Variants in NKAIN2 observed in about 807,000 individuals in gnomAD.
NKAIN2 encodes sodium/potassium-transporting ATPase subunit beta-1-interacting protein 2.
Under a neutral mutation model 32.6 loss-of-function variants are expected in NKAIN2, and 14 were observed. That is an observed-to-expected ratio of 0.43 (90% CI 0.28 to 0.67). The LOEUF is 0.67. Among genes scored for constraint, NKAIN2 ranks in the 30% least tolerant of loss-of-function variants. NKAIN2 has a pLI of 0.17. For synonymous variants in NKAIN2, 80 were observed against 87.2 expected (o/e 0.92, Z 0.46); for missense variants, 198 against 258.3 (o/e 0.77, Z 1.60).
chr6:123,885,710 A>G (rs569006075), intron 1 of NKAIN2, among the ~76,000 whole-genome samples: 5 of 152,204 alleles, frequency 3.3e-5, no homozygotes, highest in African/African-American at 7.2e-5. Flanking sequence ...AGTGAGCTAT[A>G]TAAAATTGTC....
chr6:123,950,872 G>A (rs905259146), intron 1 of NKAIN2, among the ~76,000 whole-genome samples: 4 of 151,706 alleles, frequency 2.6e-5, no homozygotes, highest in Admixed American at 6.6e-5. Flanking sequence ...TCCTTGAAGG[G>A]TATATTAGAT....
chr6:123,829,604 A>G (rs1774292759), intron 1 of NKAIN2, among the ~76,000 whole-genome samples: 1 of 152,144 alleles, frequency 6.6e-6, no homozygotes, highest in South Asian at 2.1e-4. Context: ...AATGCTACAT[A>G]GTACTCTTGT....
intron 1 of NKAIN2, among the ~76,000 whole-genome samples, chr6:124,161,791 T>C (rs1788288630): frequency 1.3e-5 from 2 of 152,018 alleles, no homozygotes; most frequent in Admixed American, 1.3e-4. Flanking sequence ...TGAGGACTAC[T>C]GGAGAGGGGA....
chr6:124,713,893 T>C (rs1040143982), intron 4 of NKAIN2, among the ~76,000 whole-genome samples: 3 of 152,232 alleles, frequency 2.0e-5, no homozygotes, highest in Non-Finnish European at 2.9e-5. Flanking sequence ...AGAGATGCTA[T>C]AGGGTCAGGG....
At chr6:124,775,682 G>T (rs1346499913) in intron 4 of NKAIN2, among the ~76,000 whole-genome samples, 1 of 152,066 alleles carries the variant, frequency 6.6e-6, no homozygotes, top group Non-Finnish European at 1.5e-5. Context: ...TGTGAAATGG[G>T]AAAATGCCTG....
chr6:124,671,571 A>G (rs1215616491), intron 4 of NKAIN2, among the ~76,000 whole-genome samples: 1 of 152,038 alleles, frequency 6.6e-6, no homozygotes, highest in African/African-American at 2.4e-5. Context: ...TGTGCCACAC[A>G]AGTTCAAAAT....
intron 4 of NKAIN2, among the ~76,000 whole-genome samples, chr6:124,662,825 A>C (rs961176253): frequency 6.6e-6 from 1 of 152,148 alleles, no homozygotes; most frequent in African/African-American, 2.4e-5. Flanking sequence ...TGCCTCTTTT[A>C]ATCTGGAAAC....
intron 3 of NKAIN2, among the ~76,000 whole-genome samples, chr6:124,369,316 G>T (rs1279259820): frequency 6.6e-6 from 1 of 152,088 alleles, no homozygotes; most frequent in African/African-American, 2.4e-5. Context: ...AGAGTTCCAT[G>T]GCTTTAAATT....
intron 1 of NKAIN2, among the ~76,000 whole-genome samples, chr6:124,157,249 G>GTA (rs1788035277): frequency 1.7e-5 from 2 of 120,282 alleles, no homozygotes; most frequent in African/African-American, 6.1e-5. Context: ...GTGTCATAAT[G>GTA]GACACACACA....
intron 4 of NKAIN2, among the ~76,000 whole-genome samples, chr6:124,672,108 G>A (rs1773135121): frequency 6.6e-6 from 1 of 151,962 alleles, no homozygotes; most frequent in African/African-American, 2.4e-5. Flanking sequence ...TTGTTAGTCT[G>A]GGGAGAAAAT....
In NKAIN2 at chr6:124,766,063, C is replaced by A. The variant is rs188441376; in HGVS notation, c.475-25276C>A. On this transcript the variant is annotated intron_variant, in intron 4 of 6. Coordinates refer to ENST00000368417, the MANE Select transcript of NKAIN2 (RefSeq NM_001040214.3). ...TCTCCTTGGCTTTTGCTTTCCCCAT[C>A]AGAATGTTTCACAAGACACAACTAA... 5.3e-5 allele frequency among the ~76,000 whole-genome samples: 8 copies of A among 152,308 alleles called. No homozygotes were observed. In the East Asian group the frequency reaches 1.5e-3, roughly 29 times the overall value.
intron 1 of NKAIN2, among the ~76,000 whole-genome samples, chr6:124,146,677 A>ATTT (rs1787424992): frequency 6.6e-6 from 1 of 152,234 alleles, no homozygotes; most frequent in African/African-American, 2.4e-5. Flanking sequence ...ATTATTCATT[A>ATTT]GAAATGAATA....
In NKAIN2 at chr6:124,596,216, G is replaced by T. The variant is rs1348113944; in HGVS notation, c.274-61970G>T. On this transcript the variant is annotated intron_variant, in intron 3 of 6. Coordinates refer to ENST00000368417, the MANE Select transcript of NKAIN2 (RefSeq NM_001040214.3). ...ATGTTGGGGTGGGGAACACTGGGAAGGTACTTAGGGGGCATCAGGGATTAC... is the reference window on the plus strand; with the variant it reads ...ATGTTGGGGTGGGGAACACTGGGAATGTACTTAGGGGGCATCAGGGATTAC... Among the ~76,000 whole-genome samples, 3 of 152,276 alleles carry T rather than the reference G, an allele frequency of 2.0e-5. No homozygotes were observed. In the East Asian group the frequency reaches 5.8e-4, roughly 29 times the overall value.
chr6:123,867,054 A>G (rs991812304), intron 1 of NKAIN2, among the ~76,000 whole-genome samples: 11 of 152,060 alleles, frequency 7.2e-5, no homozygotes, highest in Non-Finnish European at 1.5e-4. Flanking sequence ...CTCCACTATT[A>G]TCTGTCTGTT....
chr6:123,863,270 G>A (rs1400941643), intron 1 of NKAIN2, among the ~76,000 whole-genome samples: 2 of 152,178 alleles, frequency 1.3e-5, no homozygotes, highest in Non-Finnish European at 2.9e-5. Flanking sequence ...TAAATGTAGA[G>A]TCTGTCAGAA....
At position 123,974,598 on chromosome 6, in the gene NKAIN2, T is replaced by C. The variant is rs376848176; in HGVS notation, c.54+170344T>C. Reference sequence around the variant, plus strand: ...TGAGCCTGCTGTATTGGCACATTGGTTTGAGTGTTCTGCTTGTGCGGGCAA... The same window carrying C: ...TGAGCCTGCTGTATTGGCACATTGGCTTGAGTGTTCTGCTTGTGCGGGCAA... On this transcript the variant is annotated intron_variant, in intron 1 of 6. Coordinates refer to ENST00000368417, the MANE Select transcript of NKAIN2 (RefSeq NM_001040214.3). Among the ~76,000 whole-genome samples, 5 of 152,154 alleles carry C rather than the reference T, an allele frequency of 3.3e-5. No homozygotes were observed. In the East Asian group the frequency reaches 5.8e-4, roughly 18 times the overall value.
At position 124,312,058 on chromosome 6, in the gene NKAIN2, T is replaced by G. The variant is rs541498596; in HGVS notation, c.192+28916T>G. 5.9e-5 allele frequency among the ~76,000 whole-genome samples: 9 copies of G among 152,238 alleles called. No homozygotes were observed. In the East Asian group the frequency reaches 1.5e-3, roughly 26 times the overall value. On this transcript the variant is annotated intron_variant, in intron 2 of 6. Coordinates refer to ENST00000368417, the MANE Select transcript of NKAIN2 (RefSeq NM_001040214.3). ...GAGGTATATAAATAGAGAAAACCTA[T>G]GCAAACATAAAATCACACACTTTTT...
chr6:124,344,044 C>A (rs1038862088), intron 2 of NKAIN2, among the ~76,000 whole-genome samples: 2 of 152,022 alleles, frequency 1.3e-5, no homozygotes, highest in Non-Finnish European at 2.9e-5. Flanking sequence ...TCAGCTTTCT[C>A]CATATGGCTA....
chr6:124,145,214 G>C (rs970751603), intron 1 of NKAIN2, among the ~76,000 whole-genome samples: 2 of 152,152 alleles, frequency 1.3e-5, no homozygotes, highest in Admixed American at 1.3e-4. Flanking sequence ...AAACATTTTG[G>C]CAGTTCCTTA....
Sources: gnomAD v4.1 joint callset for allele counts (sites outside exome capture counted in the v4.1 genomes callset) on GRCh38, gnomAD v4.1.1 for gene constraint, MANE v1.5 for transcripts, NCBI Gene and HGNC (gene_info 2026-07-23, HGNC 2026-07-21) for gene names.